MAGEA1: variants seen among roughly 807,000 people sequenced by gnomAD.
MAGEA1 encodes melanoma-associated antigen 1.
For synonymous variants in MAGEA1, 101 were observed against 96.7 expected (o/e 1.04, Z -0.26); for missense variants, 182 against 233.7 (o/e 0.78, Z 1.44).
At chrX:153,180,019 G>A (rs1486240497) in intron 1 of MAGEA1, among the ~76,000 whole-genome samples, 6 of 108,466 alleles carry the variant, frequency 5.5e-5, no homozygotes, top group South Asian at 3.9e-4. Context: ...ATCCACTGAG[G>A]GGAGTGGTTT....
At chrX:153,180,206 C>A (rs1326509581) in intron 1 of MAGEA1, among the ~76,000 whole-genome samples, 1 of 111,308 alleles carries the variant, frequency 9.0e-6, no homozygotes, top group Non-Finnish European at 1.9e-5. Flanking sequence ...ACTTAACCCA[C>A]AGGGCAATCT....
At chrX:153,181,113 T>C (rs2051490581) in intron 1 of MAGEA1, among the ~76,000 whole-genome samples, 1 of 108,439 alleles carries the variant, frequency 9.2e-6, no homozygotes, top group African/African-American at 3.4e-5. Context: ...GAATTGGGGG[T>C]TGAGGAAGCA....
chrX:153,180,900 C>G, intron 1 of MAGEA1, among the ~76,000 whole-genome samples: 1 of 111,428 alleles, frequency 9.0e-6, no homozygotes, highest in Non-Finnish European at 1.9e-5. Context: ...CCAAGATGTG[C>G]CCCCTTCATG....
Position 153,182,313 on chromosome X carries a change from C to A in MAGEA1, c.-65-12C>A. 2 of 1,032,621 alleles carry A rather than the reference C, an allele frequency of 1.9e-6. No homozygotes were observed. The highest frequency in any genetic ancestry group is 2.7e-6 in the Non-Finnish European group (2 of 732,812). 85.1% of individuals were successfully genotyped at this position (1,032,621 alleles called of 1,213,427 possible). ...TCAGCTGAGGCCTCTCACACACTCC[C>A]TCTCTCCCCAGGCCTGTGGGTCTTC... On this transcript the variant is annotated splice_polypyrimidine_tract_variant and intron_variant, in intron 2 of 2. Coordinates refer to ENST00000356661, the MANE Select transcript of MAGEA1 (RefSeq NM_004988.5).
In MAGEA1 at chrX:153,183,476, G is replaced by C; in HGVS notation, c.*157G>C. On this transcript the variant is annotated 3_prime_UTR_variant, in exon 3 of 3. Transcript: ENST00000356661. ...TCAGTAGTAGGTTTCTGTTCTATTG[G>C]GTGACTTGGAGATTTATCTTTGTTC... The C allele has an allele frequency of 2.0e-6, 1 of 512,094 alleles. No homozygotes were observed. Among genetic ancestry groups the C allele is most frequent in the Admixed American group, 3.6e-5 (1 of 27,926 alleles). 42.2% of individuals were successfully genotyped at this position (512,094 alleles called of 1,213,427 possible).
Position 153,183,416 on chromosome X carries a change from C to T in MAGEA1, c.*97C>T. On this transcript the variant is annotated 3_prime_UTR_variant, in exon 3 of 3. Coordinates refer to ENST00000356661, the MANE Select transcript of MAGEA1 (RefSeq NM_004988.5). ...TTCCCCTGCCTCGTGTGACATGAGG[C>T]CCATTCTTCACTCTGAAGAGAGCGG... is the stretch of plus-strand genomic sequence containing the variant. The T allele has an allele frequency of 1.2e-6, 1 of 849,232 alleles. No individual in the cohort carries two copies. 70.0% of individuals were successfully genotyped at this position (849,232 alleles called of 1,213,427 possible).
chrX:153,180,466 A>G (rs915529151), intron 1 of MAGEA1, among the ~76,000 whole-genome samples: 14 of 111,048 alleles, frequency 1.3e-4, no homozygotes, highest in Non-Finnish European at 2.3e-4. Context: ...GCGGCCAGGC[A>G]CTCGGATCTT....
intron 1 of MAGEA1, among the ~76,000 whole-genome samples, chrX:153,180,085 C>T (rs1331808131): frequency 9.0e-6 from 1 of 110,546 alleles, no homozygotes; most frequent in Admixed American, 9.5e-5. Context: ...GAGGCACACA[C>T]CCCAGGTAGA....
chrX:153,180,720 CAG>C (rs1177573710), intron 1 of MAGEA1, among the ~76,000 whole-genome samples: 7 of 111,803 alleles, frequency 6.3e-5, no homozygotes, highest in African/African-American at 2.3e-4. Context: ...AGGGAGGACT[CAG>C]GGGACCTTGG....
chrX:153,181,809 A>T (rs950012548), intron 1 of MAGEA1, among the ~76,000 whole-genome samples: 1 of 111,432 alleles, frequency 9.0e-6, no homozygotes, highest in Non-Finnish European at 1.9e-5. Flanking sequence ...CTGCGTGAGA[A>T]CAGAGGGGGT....
At chrX:153,181,084 G>C (rs960182572) in intron 1 of MAGEA1, among the ~76,000 whole-genome samples, 24 of 109,081 alleles carry the variant, frequency 2.2e-4, no homozygotes, top group African/African-American at 7.3e-4. Flanking sequence ...GTAAAGGGGG[G>C]ATGTCTACTC....
intron 1 of MAGEA1, among the ~76,000 whole-genome samples, chrX:153,180,896 T>G (rs1226933594): frequency 2.7e-5 from 3 of 111,392 alleles, no homozygotes; most frequent in African/African-American, 9.8e-5. Flanking sequence ...TGGCCCAAGA[T>G]GTGCCCCCTT....
rs782245100 is a variant in MAGEA1, at chrX:153,182,863, C to T, written c.474C>T (p.Asp158=). 5.8e-5 allele frequency: 70 copies of T among 1,210,064 alleles called. No individual in the cohort carries two copies. The highest frequency in any genetic ancestry group is 3.5e-4 in the South Asian group (20 of 56,798). Reference sequence around the variant, plus strand: ...CCTTGCAGCTGGTCTTTGGCATTGACGTGAAGGAAGCAGACCCCACCGGCC... The same window carrying T: ...CCTTGCAGCTGGTCTTTGGCATTGATGTGAAGGAAGCAGACCCCACCGGCC... ...SESLQLVFGI[D]VKEADPTGHS... Residue 158 remains aspartate, a synonymous_variant, in exon 3 of 3, where the codon GAC becomes GAT. Coordinates refer to ENST00000356661, the MANE Select transcript of MAGEA1 (RefSeq NM_004988.5).
intron 1 of MAGEA1, among the ~76,000 whole-genome samples, chrX:153,180,379 A>G (rs1281228323): frequency 9.0e-6 from 1 of 110,663 alleles, no homozygotes; most frequent in Non-Finnish European, 1.9e-5. Context: ...CCCCACTCAC[A>G]TTCCCATACC....
In MAGEA1 at chrX:153,182,863, C is replaced by A. The variant is rs782245100; in HGVS notation, c.474C>A (p.Asp158Glu). The part of the protein sequence containing the change: ...SESLQLVFGI[D>E]VKEADPTGHS... ...CCTTGCAGCTGGTCTTTGGCATTGA[C>A]GTGAAGGAAGCAGACCCCACCGGCC... Residue 158 changes from aspartate to glutamate, a missense_variant, in exon 3 of 3, where the codon GAC becomes GAA. Coordinates refer to ENST00000356661, the MANE Select transcript of MAGEA1 (RefSeq NM_004988.5). The A allele has an allele frequency of 1.2e-5, 14 of 1,210,065 alleles. No homozygotes were observed. The highest frequency in any genetic ancestry group is 1.6e-5 in the Non-Finnish European group (14 of 895,210).
intron 1 of MAGEA1, among the ~76,000 whole-genome samples, chrX:153,179,758 A>C (rs1454347556): frequency 3.4e-5 from 3 of 88,077 alleles, no homozygotes; most frequent in African/African-American, 1.3e-4. Context: ...CTACTCCGTC[A>C]CCTGACCACC....
intron 1 of MAGEA1, among the ~76,000 whole-genome samples, chrX:153,180,314 C>T (rs868983873): frequency 2.0e-4 from 22 of 111,577 alleles, no homozygotes; most frequent in African/African-American, 7.2e-4. Context: ...GGTCAGGACC[C>T]TGGGAGGGAA....
chrX:153,183,631 C>T lies in MAGEA1; in HGVS notation c.*312C>T. ...AAGGGTAAGAGTCTTGTGTTTTATT[C>T]AGATTGGGAAATCCATTCTATTTTG... is the stretch of plus-strand genomic sequence containing the variant. On this transcript the variant is annotated 3_prime_UTR_variant, in exon 3 of 3. Coordinates refer to ENST00000356661, the MANE Select transcript of MAGEA1 (RefSeq NM_004988.5). 1 of 249,253 alleles carries T rather than the reference C, an allele frequency of 4.0e-6. No homozygotes were observed. The highest frequency in any genetic ancestry group is 7.5e-6 in the Non-Finnish European group (1 of 133,185). The allele number at this position is 249,253 out of a possible 1,213,427, so 20.5% of individuals were successfully genotyped here.
chrX:153,182,283 A>C (rs1909158492), intron 2 of MAGEA1, 34 bp downstream of exon 2: 6 of 985,599 alleles, frequency 6.1e-6, no homozygotes, highest in Non-Finnish European at 8.7e-6. Flanking sequence ...TCCAAGGTTC[A>C]GTTCTCAGCT....
Sources: allele counts gnomAD v4.1 joint callset (sites outside exome capture counted in the v4.1 genomes callset), GRCh38; gene constraint gnomAD v4.1.1; transcripts MANE v1.5; gene names NCBI Gene and HGNC (gene_info 2026-07-23, HGNC 2026-07-21).